C8orf88: variants seen among roughly 807,000 people sequenced by gnomAD.
C8orf88 encodes chromosome 8 open reading frame 88, also known as uncharacterized protein C8orf88.
Under a neutral mutation model 18.4 loss-of-function variants are expected in C8orf88, and 14 were observed. The ratio of observed to expected loss-of-function variants is 0.76; its 90% CI spans 0.50 to 1.19. The LOEUF (loss-of-function observed/expected upper bound fraction) is 1.19, where lower values mean the gene tolerates loss of function less well. Among genes scored for constraint, C8orf88 ranks in the 50% most tolerant of loss-of-function variants. The pLI, the probability that C8orf88 is intolerant of heterozygous loss-of-function variation, is 0.00. For synonymous variants in C8orf88, 45 were observed against 42.9 expected (o/e 1.05, Z -0.19); for missense variants, 116 against 134.7 (o/e 0.86, Z 0.69).
At chr8:90,980,319 A>G in intron 2 of C8orf88, 44 bp downstream of exon 2, 1 of 1,237,082 alleles carries the variant, frequency 8.1e-7, no homozygotes, top group Non-Finnish European at 1.1e-6. Flanking sequence ...CTAATTAGTC[A>G]TTAACACATT....
Position 90,961,767 on chromosome 8 carries a change from C to T in C8orf88, c.224-919G>A, listed in dbSNP as rs572373990. Among the ~76,000 whole-genome samples the T allele has an allele frequency of 4.1e-4, 62 of 151,224 alleles. 1 individual carries two copies. The highest frequency in any genetic ancestry group is 1.4e-3 in the African/African-American group (57 of 41,368). ...ATGTATTACTGTTAAAAGCAAAAGC[C>T]ACCACAGATAATATATAGATGAAGG... is the stretch of plus-strand genomic sequence containing the variant. On this transcript the variant is annotated intron_variant, in intron 4 of 5. Transcript: ENST00000517562.
At chr8:90,971,791 T>A (rs1222641504) in intron 3 of C8orf88, among the ~76,000 whole-genome samples, 1 of 151,996 alleles carries the variant, frequency 6.6e-6, no homozygotes, top group East Asian at 1.9e-4. Context: ...TACCTAAATC[T>A]TTTTCTTCTG....
chr8:90,977,387 C>T (rs1811366772), intron 3 of C8orf88, among the ~76,000 whole-genome samples: 1 of 152,178 alleles, frequency 6.6e-6, no homozygotes, highest in South Asian at 2.1e-4. Flanking sequence ...AGTAATTCTA[C>T]TCTAACTTTA....
chr8:90,959,073 A>G (rs1045926321), intron 5 of C8orf88, 43 bp from the exon 6 acceptor site: 36 of 923,594 alleles, frequency 3.9e-5, no homozygotes, highest in Non-Finnish European at 5.3e-5. Context: ...TTGATTGAAT[A>G]CAGTTTTTAC....
intron 4 of C8orf88, among the ~76,000 whole-genome samples, chr8:90,963,331 C>G (rs1430869104): frequency 6.6e-6 from 1 of 151,654 alleles, no homozygotes; most frequent in Non-Finnish European, 1.5e-5. Context: ...AGAGCAACAA[C>G]AAACCCAAGG....
Position 90,978,647 on chromosome 8 carries a change from C to T in C8orf88, c.79G>A (p.Val27Met), listed in dbSNP as rs907851330. 2.0e-6 allele frequency: 3 copies of T among 1,520,692 alleles called. No homozygotes were observed. The highest frequency in any genetic ancestry group is 2.8e-5 in the African/African-American group (2 of 72,638). 94.2% of individuals were successfully genotyped at this position (1,520,692 alleles called of 1,614,324 possible). The change falls in exon 3 of 6, where the codon GTG becomes ATG. Residue 27 changes from valine (V) to methionine (M), a missense_variant. Physicochemically the swap from Val to Met is conservative, Grantham distance 21 (BLOSUM62 1). Transcript: ENST00000517562. ...VRHLTSPPGA[V>M]FPFNFQNEYP... ...TCGTTTTGAAAGTTGAAAGGGAACA[C>T]TGCTCCTGTTAGGAGAGGAAGAAAA...
intron 4 of C8orf88, among the ~76,000 whole-genome samples, chr8:90,967,836 A>G (rs993168887): frequency 1.3e-5 from 2 of 151,802 alleles, no homozygotes; most frequent in African/African-American, 4.8e-5. Flanking sequence ...AGCATCAAAA[A>G]GAATACAGTA....
chr8:90,970,570 G>A (rs1006740197), intron 4 of C8orf88, among the ~76,000 whole-genome samples: 3 of 152,058 alleles, frequency 2.0e-5, no homozygotes, highest in African/African-American at 7.2e-5. Flanking sequence ...TACCCTGCCA[G>A]TAGGCAAAGT....
chr8:90,966,428 C>A (rs1187305179), intron 4 of C8orf88, among the ~76,000 whole-genome samples: 30 of 147,966 alleles, frequency 2.0e-4, no homozygotes, highest in Non-Finnish European at 3.0e-4. Flanking sequence ...GGGTGCAGTG[C>A]ACCAGCATGG....
At chr8:90,967,039 T>C (rs1811209745) in intron 4 of C8orf88, among the ~76,000 whole-genome samples, 1 of 151,922 alleles carries the variant, frequency 6.6e-6, no homozygotes, top group Non-Finnish European at 1.5e-5. Flanking sequence ...AAATACCATT[T>C]ATCATTTTTC....
intron 3 of C8orf88, among the ~76,000 whole-genome samples, chr8:90,972,632 A>G (rs1811298870): frequency 1.3e-5 from 2 of 152,122 alleles, no homozygotes; most frequent in Admixed American, 1.3e-4. Flanking sequence ...GTGATTATCT[A>G]TATGTTATCT....
chr8:90,962,638 T>C (rs4645524), intron 4 of C8orf88, among the ~76,000 whole-genome samples: 16,551 of 151,606 alleles, frequency 0.11, 1,084 homozygotes, highest in African/African-American at 0.19. Context: ...ATTACTTTTA[T>C]AGGTTCCCAG....
intron 2 of C8orf88, among the ~76,000 whole-genome samples, chr8:90,978,875 T>C (rs1414620285): frequency 6.6e-6 from 1 of 152,208 alleles, no homozygotes; most frequent in East Asian, 1.9e-4. Context: ...GTTCACAGTG[T>C]ATTTTAAAAG....
At chr8:90,969,708 TG>T (rs1362217292) in intron 4 of C8orf88, among the ~76,000 whole-genome samples, 1 of 151,862 alleles carries the variant, frequency 6.6e-6, no homozygotes, top group Non-Finnish European at 1.5e-5. Context: ...GTTCTGAAAT[TG>T]GTAGTATTGT....
At chr8:90,961,630 A>G (rs1251876654) in intron 4 of C8orf88, among the ~76,000 whole-genome samples, 1 of 151,426 alleles carries the variant, frequency 6.6e-6, no homozygotes, top group Admixed American at 6.6e-5. Flanking sequence ...GGCTGAAGGG[A>G]ATTATACTAG....
At chr8:90,959,842 C>T (rs567493928) in intron 5 of C8orf88, among the ~76,000 whole-genome samples, 68 of 151,146 alleles carry the variant, frequency 4.5e-4, no homozygotes, top group African/African-American at 1.5e-3. Flanking sequence ...AAGGTATTTA[C>T]GAAAACTCTA....
At chr8:90,976,567 A>G (rs2130319884) in intron 3 of C8orf88, among the ~76,000 whole-genome samples, 1 of 152,250 alleles carries the variant, frequency 6.6e-6, no homozygotes, top group South Asian at 2.1e-4. Context: ...TAGAAAACTC[A>G]TAATAAAGCC....
At chr8:90,972,607 A>G (rs1811298605) in intron 3 of C8orf88, among the ~76,000 whole-genome samples, 1 of 152,130 alleles carries the variant, frequency 6.6e-6, no homozygotes, top group African/African-American at 2.4e-5. Context: ...GTACACCTAC[A>G]AAAAGTTTTA....
intron 3 of C8orf88, 27 bp downstream of exon 3, chr8:90,978,552 C>T: frequency 7.2e-7 from 1 of 1,389,736 alleles, no homozygotes; most frequent in Non-Finnish European, 9.8e-7. Context: ...TATAATATTT[C>T]CTTCTGTTAT....
Sources: gnomAD v4.1 joint callset for allele counts (sites outside exome capture counted in the v4.1 genomes callset) on GRCh38, gnomAD v4.1.1 for gene constraint, MANE v1.5 for transcripts, NCBI Gene and HGNC (gene_info 2026-07-23, HGNC 2026-07-21) for gene names.